DOK6: variants seen among roughly 807,000 people sequenced by gnomAD.
DOK6 encodes docking protein 6.
In DOK6, 22 loss-of-function variants were observed where a neutral mutation model predicts 44.0. That is an observed-to-expected ratio of 0.50 (90% CI 0.36 to 0.71). The LOEUF is 0.71. Ranked by LOEUF, DOK6 falls within the 30% of genes least tolerant of loss-of-function variation. The pLI, the probability that DOK6 is intolerant of heterozygous loss-of-function variation, is 0.00. For synonymous variants in DOK6, 166 were observed against 145.5 expected (o/e 1.14, Z -1.01); for missense variants, 340 against 416.4 (o/e 0.82, Z 1.60).
At position 69,436,340 on chromosome 18, in the gene DOK6, C is replaced by T. The variant is rs149479114; in HGVS notation, c.66+35030C>T. Among the ~76,000 whole-genome samples the T allele has an allele frequency of 2.4e-3, 358 of 152,078 alleles. No individual in the cohort carries two copies. In the Middle Eastern group the frequency reaches 0.034, roughly 14 times the overall value. ...CCTTGCCCCCTACCCGCTGACAGGC[C>T]CCAGTGTATTATGTTCCCCTCCCTG... is the stretch of plus-strand genomic sequence containing the variant. On this transcript the variant is annotated intron_variant, in intron 1 of 7. Coordinates refer to ENST00000382713, the MANE Select transcript of DOK6 (RefSeq NM_152721.6).
rs553913765 is a variant in DOK6, at chr18:69,455,412, G to C, written c.66+54102G>C. Among the ~76,000 whole-genome samples the C allele has an allele frequency of 5.3e-5, 8 of 152,308 alleles. No individual in the cohort carries two copies. The East Asian group carries it at 1.5e-3, about 29-fold the overall frequency. ...AAAGCTTTTCATACACGGAGAGTCT[G>C]TAAGTTTATTTTGCATGTGTGTGTT... On this transcript the variant is annotated intron_variant, in intron 1 of 7. Transcript: ENST00000382713.
chr18:69,627,215 C>T (rs1170031553), intron 3 of DOK6, among the ~76,000 whole-genome samples: 1 of 152,032 alleles, frequency 6.6e-6, no homozygotes, highest in Admixed American at 6.6e-5. Context: ...AACAAACAAA[C>T]AAACAAAAAA....
chr18:69,772,830 G>C (rs1446845929), intron 7 of DOK6, among the ~76,000 whole-genome samples: 1 of 152,028 alleles, frequency 6.6e-6, no homozygotes. Context: ...AAAAGCATAA[G>C]TAGGTAAGTG....
chr18:69,693,967 G>A (rs911721264), intron 4 of DOK6, among the ~76,000 whole-genome samples: 1 of 148,142 alleles, frequency 6.8e-6, no homozygotes, highest in African/African-American at 2.5e-5. Context: ...GCTGAGGCAG[G>A]AGAATGGCGT....
chr18:69,563,821 T>A (rs1260441806), intron 1 of DOK6, among the ~76,000 whole-genome samples: 1 of 151,726 alleles, frequency 6.6e-6, no homozygotes, highest in Non-Finnish European at 1.5e-5. Flanking sequence ...AAGATTCAGG[T>A]GTGTGTGTTC....
intron 7 of DOK6, among the ~76,000 whole-genome samples, chr18:69,775,735 G>A (rs1460362303): frequency 6.6e-6 from 1 of 151,758 alleles, no homozygotes; most frequent in Non-Finnish European, 1.5e-5. Flanking sequence ...TGTTATAAAA[G>A]AGAAGGAAGA....
At chr18:69,578,463 G>A (rs1053475002) in intron 2 of DOK6, among the ~76,000 whole-genome samples, 4 of 152,062 alleles carry the variant, frequency 2.6e-5, no homozygotes, top group Non-Finnish European at 4.4e-5. Context: ...AGAGAAATTC[G>A]GATGATAATT....
At chr18:69,628,877 A>T (rs1260807742) in intron 3 of DOK6, among the ~76,000 whole-genome samples, 2 of 152,174 alleles carry the variant, frequency 1.3e-5, no homozygotes, top group South Asian at 2.1e-4. Context: ...ATGCATGTAC[A>T]TTTAAGAGTT....
At chr18:69,507,217 G>A (rs367857426) in intron 1 of DOK6, among the ~76,000 whole-genome samples, 1 of 151,784 alleles carries the variant, frequency 6.6e-6, no homozygotes. Context: ...TCAGTAGAGA[G>A]GGGGTTTCAC....
intron 7 of DOK6, among the ~76,000 whole-genome samples, chr18:69,764,248 G>C (rs532495971): frequency 1.3e-5 from 2 of 152,246 alleles, no homozygotes; most frequent in East Asian, 1.9e-4. Context: ...TGGTGAGAAC[G>C]AGGGCCAAGA....
intron 4 of DOK6, among the ~76,000 whole-genome samples, chr18:69,687,933 T>A (rs796215632): frequency 3.3e-5 from 5 of 152,286 alleles, no homozygotes; most frequent in African/African-American, 1.2e-4. Flanking sequence ...GATTGTGTAC[T>A]CGGAAAACCC....
intron 2 of DOK6, among the ~76,000 whole-genome samples, chr18:69,583,205 G>GACTTTTCATGAGA (rs1336830231): frequency 1.3e-5 from 2 of 152,126 alleles, no homozygotes; most frequent in Non-Finnish European, 2.9e-5. Flanking sequence ...CATTCTCATT[G>GACTTTTCATGAGA]ATGCCTACCC....
intron 1 of DOK6, among the ~76,000 whole-genome samples, chr18:69,539,518 G>A (rs1982212613): frequency 6.9e-6 from 1 of 143,904 alleles, no homozygotes; most frequent in Non-Finnish European, 1.5e-5. Context: ...AGCCTCCAAA[G>A]TAGCTGGGAC....
At chr18:69,841,196 T>A in intron 7 of DOK6, 48 bp from the exon 8 acceptor site, 1 of 1,610,356 alleles carries the variant, frequency 6.2e-7, no homozygotes. Context: ...GTATCTTTTG[T>A]GCTTCTGAAT....
intron 2 of DOK6, among the ~76,000 whole-genome samples, chr18:69,575,929 T>G (rs1182903853): frequency 6.6e-6 from 1 of 152,070 alleles, no homozygotes; most frequent in African/African-American, 2.4e-5. Flanking sequence ...ACCTAGACAA[T>G]CAGCCATCAA....
intron 7 of DOK6, among the ~76,000 whole-genome samples, chr18:69,788,835 G>C (rs996158527): frequency 6.6e-6 from 1 of 152,126 alleles, no homozygotes. Context: ...AATTGGTCCA[G>C]CTGCCCTGTG....
At chr18:69,673,392 A>G (rs1985851710) in intron 3 of DOK6, among the ~76,000 whole-genome samples, 1 of 152,208 alleles carries the variant, frequency 6.6e-6, no homozygotes, top group Admixed American at 6.5e-5. Context: ...AAGGTCTTCT[A>G]TTTAAATACC....
intron 1 of DOK6, among the ~76,000 whole-genome samples, chr18:69,440,537 G>T (rs62096604): frequency 7.2e-5 from 11 of 151,984 alleles, no homozygotes; most frequent in Non-Finnish European, 1.5e-4. Flanking sequence ...CTGTTTTACC[G>T]TATATTTGGG....
chr18:69,676,091 G>A (rs1985916208), intron 3 of DOK6, among the ~76,000 whole-genome samples: 1 of 152,166 alleles, frequency 6.6e-6, no homozygotes, highest in African/African-American at 2.4e-5. Flanking sequence ...AGGGAACCAG[G>A]CCCTCTTGAA....
Sources: gnomAD v4.1 joint callset for allele counts (sites outside exome capture counted in the v4.1 genomes callset) on GRCh38, gnomAD v4.1.1 for gene constraint, MANE v1.5 for transcripts, NCBI Gene and HGNC (gene_info 2026-07-23, HGNC 2026-07-21) for gene names.